RYR2: variants seen among roughly 807,000 people sequenced by gnomAD.
RYR2 encodes the protein ryanodine receptor 2, also known as cardiac muscle ryanodine receptor-calcium release channel.
RYR2 carries 227 observed loss-of-function variants against 601.1 expected under a neutral mutation model. That is an observed-to-expected ratio of 0.38 (90% CI 0.34 to 0.42). The LOEUF (loss-of-function observed/expected upper bound fraction) is 0.42. Among genes scored for constraint, RYR2 ranks in the 10% least tolerant of loss-of-function variants. The probability of loss-of-function intolerance (pLI) is 1.00; values close to 1 mark genes in which losing one functional copy is unlikely to be tolerated. For synonymous variants in RYR2, 2,223 were observed against 2,175.1 expected (o/e 1.02, Z -0.61); for missense variants, 4,646 against 6,156.5 (o/e 0.75, Z 8.21).
At chr1:237,425,898 T>C (rs1242754325) in intron 12 of RYR2, among the ~76,000 whole-genome samples, 3 of 152,116 alleles carry the variant, frequency 2.0e-5, no homozygotes, top group Admixed American at 6.5e-5. Context: ...CTGCTTTCAT[T>C]TGAGGATGTA....
At chr1:237,354,108 G>A (rs1309242504) in intron 3 of RYR2, among the ~76,000 whole-genome samples, 4 of 152,182 alleles carry the variant, frequency 2.6e-5, no homozygotes, top group African/African-American at 9.6e-5. Flanking sequence ...GTCTTGTCTT[G>A]TGTGTCTAGC....
intron 2 of RYR2, among the ~76,000 whole-genome samples, chr1:237,285,473 G>A (rs1423717193): frequency 2.0e-5 from 3 of 152,138 alleles, no homozygotes; most frequent in Non-Finnish European, 4.4e-5. Context: ...AAGGATATCA[G>A]TCTGTAGTTT....
chr1:237,583,010 T>C lies in RYR2; in HGVS notation c.3599-6783T>C, dbSNP rs527771984. Among the ~76,000 whole-genome samples, 26 of 151,936 alleles carry C rather than the reference T, an allele frequency of 1.7e-4. 1 individual carries two copies. The South Asian group carries it at 5.4e-3, about 32-fold the overall frequency. On this transcript the variant is annotated intron_variant, in intron 29 of 104. Transcript: ENST00000366574. ...TTCTTTGAGAAATCTCCAAACTGCT[T>C]TCCACAGTGGCTCAACTTATTTACA... is the stretch of plus-strand genomic sequence containing the variant.
At chr1:237,777,249 C>T (rs1694738895) in intron 87 of RYR2, among the ~76,000 whole-genome samples, 1 of 152,140 alleles carries the variant, frequency 6.6e-6, no homozygotes, top group Non-Finnish European at 1.5e-5. Flanking sequence ...TATTTTTAGT[C>T]ACCCCTTTTG....
intron 15 of RYR2, among the ~76,000 whole-genome samples, chr1:237,455,688 G>A (rs923074741): frequency 2.6e-5 from 4 of 152,048 alleles, no homozygotes; most frequent in African/African-American, 9.7e-5. Flanking sequence ...CATCAGAAAC[G>A]CTTGAAACTG....
rs969170112 is a variant in RYR2 at position 237,371,919 on chromosome 1, G to T, written c.384+2311G>T. On this transcript the variant is annotated intron_variant, in intron 6 of 104. Transcript: ENST00000366574. ...TCGTGGGGTGGGGAGAGATGGGAGGGATAGCATTAGGAGATATACCTAATG... is the reference window on the plus strand; with the variant it reads ...TCGTGGGGTGGGGAGAGATGGGAGGTATAGCATTAGGAGATATACCTAATG... 3.9e-4 allele frequency among the ~76,000 whole-genome samples: 60 copies of T among 152,266 alleles called. No individual in the cohort carries two copies. In the Middle Eastern group the frequency reaches 0.01, roughly 26 times the overall value.
At chr1:237,259,029 A>T (rs1022534352) in intron 1 of RYR2, among the ~76,000 whole-genome samples, 1 of 151,918 alleles carries the variant, frequency 6.6e-6, no homozygotes, top group Non-Finnish European at 1.5e-5. Flanking sequence ...CATCATCTTG[A>T]TGGTGTCTGG....
chr1:237,412,119 C>G (rs527932233), intron 10 of RYR2, among the ~76,000 whole-genome samples: 1 of 152,124 alleles, frequency 6.6e-6, no homozygotes, highest in African/African-American at 2.4e-5. Context: ...TCCTAGCTGT[C>G]AAAGTGCCTG....
chr1:237,600,405 A>G (rs1676375193), intron 34 of RYR2, among the ~76,000 whole-genome samples: 1 of 152,226 alleles, frequency 6.6e-6, no homozygotes, highest in African/African-American at 2.4e-5. Context: ...CACATGCAGA[A>G]GAATGAAATT....
rs147788523 is a variant in RYR2, at chr1:237,233,908, T to C, written c.49-36589T>C. ...GGTTTTGCCATGTTGCCCAGGCTGG[T>C]CTTGAACTTGTTGTCTTGAGCTACC... On this transcript the variant is annotated intron_variant, in intron 1 of 104. Coordinates refer to ENST00000366574, the MANE Select transcript of RYR2 (RefSeq NM_001035.3). Among the ~76,000 whole-genome samples the C allele has an allele frequency of 1.6e-3, 247 of 152,072 alleles. 3 individuals are homozygous for C. The highest frequency in any genetic ancestry group is 5.7e-3 in the African/African-American group (238 of 41,464).
At chr1:237,729,190 T>G (rs1415069041) in intron 76 of RYR2, among the ~76,000 whole-genome samples, 3 of 152,114 alleles carry the variant, frequency 2.0e-5, no homozygotes, top group African/African-American at 7.2e-5. Flanking sequence ...AAAATGTCAT[T>G]TTCAAAATGG....
chr1:237,223,452 G>T (rs61832416), intron 1 of RYR2, among the ~76,000 whole-genome samples: 4,689 of 152,282 alleles, frequency 0.031, 102 homozygotes, highest in Non-Finnish European at 0.052. Context: ...TTAAACCATA[G>T]CATTAAATTA....
chr1:237,631,213 G>T (rs1680211330), intron 41 of RYR2, among the ~76,000 whole-genome samples: 1 of 152,046 alleles, frequency 6.6e-6, no homozygotes, highest in Non-Finnish European at 1.5e-5. Context: ...TTATTACAAT[G>T]GAAAAGAATA....
chr1:237,287,988 T>G (rs1379231732), intron 2 of RYR2, among the ~76,000 whole-genome samples: 1 of 152,188 alleles, frequency 6.6e-6, no homozygotes, highest in African/African-American at 2.4e-5. Context: ...TCAGATTCTT[T>G]TGTCCCACGA....
At chr1:237,729,686 C>T (rs1690509600) in intron 76 of RYR2, among the ~76,000 whole-genome samples, 1 of 152,172 alleles carries the variant, frequency 6.6e-6, no homozygotes. Flanking sequence ...TTCTTCTCAT[C>T]TGCACTGGTC....
intron 1 of RYR2, among the ~76,000 whole-genome samples, chr1:237,257,940 G>A (rs971372691): frequency 5.9e-5 from 9 of 152,064 alleles, no homozygotes; most frequent in African/African-American, 2.2e-4. Context: ...AAGGCGGGCA[G>A]ATCACCTGAG....
At chr1:237,832,478 A>G in intron 104 of RYR2, 74 bp from the exon 105 acceptor site, 2 of 929,724 alleles carry the variant, frequency 2.2e-6, no homozygotes, top group East Asian at 2.5e-5. Flanking sequence ...AGGTAACAGA[A>G]TTGAGTTTCT....
At chr1:237,671,057 A>G (rs917835522) in intron 58 of RYR2, among the ~76,000 whole-genome samples, 7 of 152,198 alleles carry the variant, frequency 4.6e-5, no homozygotes, top group African/African-American at 1.7e-4. Context: ...TACTGGCTCA[A>G]ATTTGTATTC....
intron 22 of RYR2, among the ~76,000 whole-genome samples, chr1:237,504,443 G>C (rs1451205536): frequency 1.3e-5 from 2 of 152,102 alleles, no homozygotes; most frequent in Admixed American, 1.3e-4. Flanking sequence ...TGATCAGTTC[G>C]GGTGGGGCAG....
Sources: gnomAD v4.1 joint callset for allele counts (sites outside exome capture counted in the v4.1 genomes callset) on GRCh38, gnomAD v4.1.1 for gene constraint, MANE v1.5 for transcripts, NCBI Gene and HGNC (gene_info 2026-07-23, HGNC 2026-07-21) for gene names.